Variants in PRKCA observed in about 807,000 individuals in gnomAD.
The protein encoded by PRKCA is protein kinase C alpha.
In PRKCA, 27 loss-of-function variants were observed where a neutral mutation model predicts 87.0. The ratio of observed to expected loss-of-function variants is 0.31; its 90% CI spans 0.23 to 0.43. The LOEUF (loss-of-function observed/expected upper bound fraction) is 0.43. Among genes scored for constraint, PRKCA ranks in the 20% least tolerant of loss-of-function variants. PRKCA has a pLI of 1.00. For missense variants in PRKCA, 518 were observed against 852.3 expected, an observed-to-expected ratio of 0.61 and a Z score of 4.88; for synonymous variants, 329 against 311.1, an observed-to-expected ratio of 1.06 and a Z score of -0.61.
intron 5 of PRKCA, among the ~76,000 whole-genome samples, chr17:66,672,725 T>C (rs949429906): frequency 6.6e-6 from 1 of 152,234 alleles, no homozygotes; most frequent in Non-Finnish European, 1.5e-5. Context: ...AACAGGGAAT[T>C]GATTAAATAA....
intron 2 of PRKCA, among the ~76,000 whole-genome samples, chr17:66,421,541 T>C (rs1912497289): frequency 6.6e-6 from 1 of 151,656 alleles, no homozygotes; most frequent in Non-Finnish European, 1.5e-5. Flanking sequence ...TCTCTTTTCT[T>C]TCTTTTTTTG....
intron 16 of PRKCA, among the ~76,000 whole-genome samples, chr17:66,799,603 G>A (rs1598956249): frequency 1.5e-5 from 1 of 68,184 alleles, no homozygotes; most frequent in African/African-American, 7.3e-5. Flanking sequence ...TGGTGATGGT[G>A]GTGGTGGTGG....
chr17:66,636,757 G>A (rs1002738955), intron 3 of PRKCA, among the ~76,000 whole-genome samples: 4 of 152,120 alleles, frequency 2.6e-5, no homozygotes, highest in African/African-American at 9.7e-5. Context: ...CCCATGACAC[G>A]GGCAGATTGG....
intron 5 of PRKCA, among the ~76,000 whole-genome samples, chr17:66,671,620 C>T (rs1040634724): frequency 1.3e-5 from 2 of 152,002 alleles, no homozygotes; most frequent in Non-Finnish European, 2.9e-5. Flanking sequence ...GAGACCTACA[C>T]GTAAAGTAAA....
chr17:66,589,672 G>A (rs1456691027), intron 3 of PRKCA, among the ~76,000 whole-genome samples: 2 of 152,146 alleles, frequency 1.3e-5, no homozygotes, highest in Non-Finnish European at 2.9e-5. Context: ...AATGGGGAGG[G>A]GCAGTTGTCT....
At chr17:66,562,055 A>AT (rs1228072516) in intron 3 of PRKCA, among the ~76,000 whole-genome samples, 1 of 125,160 alleles carries the variant, frequency 8.0e-6, no homozygotes, top group Non-Finnish European at 1.7e-5. Context: ...TATATATATA[A>AT]TTAAATATAT....
At position 66,698,204 on chromosome 17, in the gene PRKCA, T is replaced by A. The variant is rs114001391; in HGVS notation, c.918+9157T>A. ...GCAACAAGACTTCAAAGGACAGCAC[T>A]TCAAGGAACATGAAAAGTTAAGGAG... is the stretch of plus-strand genomic sequence containing the variant. On this transcript the variant is annotated intron_variant, in intron 8 of 16. Coordinates refer to ENST00000413366, the MANE Select transcript of PRKCA (RefSeq NM_002737.3). Among the ~76,000 whole-genome samples the A allele has an allele frequency of 3.0e-3, 461 of 152,228 alleles. 4 individuals are homozygous for A. The highest frequency in any genetic ancestry group is 0.011 in the African/African-American group (444 of 41,550).
rs7219293 is a variant in PRKCA, at chr17:66,522,195, G to A, written c.288+25912G>A. Among the ~76,000 whole-genome samples, 862 of 152,276 alleles carry A rather than the reference G, an allele frequency of 5.7e-3. 6 individuals carry two copies. Among genetic ancestry groups the A allele is most frequent in the African/African-American group, 0.02 (812 of 41,548 alleles). On this transcript the variant is annotated intron_variant, in intron 3 of 16. Transcript: ENST00000413366. ...GGACCAGGAGCCCCGTGGGAGGAAC[G>A]TGCCCCTGGGGAGAGCTGGTGGATA... is the stretch of plus-strand genomic sequence containing the variant.
chr17:66,471,056 A>T (rs977010826), intron 2 of PRKCA, among the ~76,000 whole-genome samples: 3 of 151,490 alleles, frequency 2.0e-5, no homozygotes, highest in African/African-American at 7.3e-5. Flanking sequence ...AGTGCTCTGC[A>T]AGTTGCATGA....
At position 66,329,275 on chromosome 17, in the gene PRKCA, C is replaced by T. The variant is rs75657362; in HGVS notation, c.205+23148C>T. Among the ~76,000 whole-genome samples, 1,134 of 152,250 alleles carry T rather than the reference C, an allele frequency of 7.4e-3. 10 individuals are homozygous for T. The highest frequency in any genetic ancestry group is 0.013 in the South Asian group (65 of 4,826). On this transcript the variant is annotated intron_variant, in intron 2 of 16. Transcript: ENST00000413366. ...GTGCCATTCACTATTACGTAGCATG[C>T]TAGAGGAAGACCAGGTTTCGGGGAA...
At chr17:66,430,709 C>T (rs905549856) in intron 2 of PRKCA, among the ~76,000 whole-genome samples, 1 of 152,116 alleles carries the variant, frequency 6.6e-6, no homozygotes, top group Admixed American at 6.6e-5. Flanking sequence ...ATTTGCCCTT[C>T]TCTACCATTC....
intron 3 of PRKCA, among the ~76,000 whole-genome samples, chr17:66,623,321 A>G (rs1463782340): frequency 6.6e-6 from 1 of 152,154 alleles, no homozygotes; most frequent in African/African-American, 2.4e-5. Flanking sequence ...AGACAGGTAC[A>G]CATCAGCGGG....
chr17:66,583,755 T>C (rs1191049145), intron 3 of PRKCA, among the ~76,000 whole-genome samples: 1 of 152,212 alleles, frequency 6.6e-6, no homozygotes, highest in African/African-American at 2.4e-5. Context: ...TATTTTTCTT[T>C]TTTTGAAGAT....
chr17:66,491,792 A>G (rs1386934080), intron 2 of PRKCA, among the ~76,000 whole-genome samples: 1 of 152,220 alleles, frequency 6.6e-6, no homozygotes, highest in African/African-American at 2.4e-5. Context: ...CAAAATATGC[A>G]TTACCCAATT....
intron 3 of PRKCA, among the ~76,000 whole-genome samples, chr17:66,543,811 C>G (rs1968061868): frequency 6.6e-6 from 1 of 152,200 alleles, no homozygotes; most frequent in Non-Finnish European, 1.5e-5. Context: ...GCCTGGTTTG[C>G]TGGCTTTCTG....
chr17:66,514,055 CTT>C (rs548519252), intron 3 of PRKCA, among the ~76,000 whole-genome samples: 134 of 152,256 alleles, frequency 8.8e-4, no homozygotes, highest in Middle Eastern at 3.4e-3. Context: ...ATTCACATAA[CTT>C]TTATTACATA....
chr17:66,736,300 C>T (rs1327774526), intron 10 of PRKCA, among the ~76,000 whole-genome samples: 12 of 147,438 alleles, frequency 8.1e-5, no homozygotes, highest in Admixed American at 5.4e-4. Flanking sequence ...TTTTTTGAGA[C>T]GGAGTCACTC....
intron 8 of PRKCA, among the ~76,000 whole-genome samples, chr17:66,707,644 C>G (rs1567987389): frequency 6.6e-6 from 1 of 152,206 alleles, no homozygotes; most frequent in African/African-American, 2.4e-5. Context: ...GATGCTGCAT[C>G]TACTCTGTGT....
intron 3 of PRKCA, among the ~76,000 whole-genome samples, chr17:66,576,563 AC>A (rs1455251175): frequency 2.0e-5 from 3 of 152,212 alleles, no homozygotes; most frequent in Non-Finnish European, 4.4e-5. Context: ...GTGCTTGAGG[AC>A]TTTTTTCATG....
Sources: gnomAD v4.1 joint callset for allele counts (sites outside exome capture counted in the v4.1 genomes callset) on GRCh38, gnomAD v4.1.1 for gene constraint, MANE v1.5 for transcripts, NCBI Gene and HGNC (gene_info 2026-07-23, HGNC 2026-07-21) for gene names.